The following GRIN2A variants were observed in gnomAD, a reference collection of about 807,000 sequenced individuals.
GRIN2A encodes glutamate receptor ionotropic, NMDA 2A.
GRIN2A carries 22 observed loss-of-function variants against 113.4 expected under a neutral mutation model. The ratio of observed to expected loss-of-function variants is 0.19; its 90% CI spans 0.14 to 0.28. The LOEUF is 0.28. Among genes scored for constraint, GRIN2A ranks in the 10% least tolerant of loss-of-function variants. The pLI, the probability that GRIN2A is intolerant of heterozygous loss-of-function variation, is 1.00. For synonymous variants in GRIN2A, 827 were observed against 738.4 expected (o/e 1.12, Z -1.94); for missense variants, 1,502 against 1,887.0 (o/e 0.80, Z 3.78).
intron 11 of GRIN2A, among the ~76,000 whole-genome samples, chr16:9,776,464 G>C (rs1901611336): frequency 6.6e-6 from 1 of 152,030 alleles, no homozygotes; most frequent in Non-Finnish European, 1.5e-5. Flanking sequence ...CTGTCTCCTT[G>C]ATTAGTTTGT....
chr16:9,781,977 A>T (rs1233933082), intron 11 of GRIN2A, among the ~76,000 whole-genome samples: 2 of 152,212 alleles, frequency 1.3e-5, no homozygotes, highest in African/African-American at 2.4e-5. Flanking sequence ...GTGAAAAATC[A>T]TGGACTATAA....
chr16:10,027,149 G>A (rs1426261085), intron 2 of GRIN2A, among the ~76,000 whole-genome samples: 2 of 152,172 alleles, frequency 1.3e-5, no homozygotes, highest in Non-Finnish European at 2.9e-5. Flanking sequence ...GCCCATTGAA[G>A]GCTCAAGTAG....
At chr16:10,024,840 C>A (rs1432766560) in intron 2 of GRIN2A, among the ~76,000 whole-genome samples, 1 of 152,150 alleles carries the variant, frequency 6.6e-6, no homozygotes, top group Non-Finnish European at 1.5e-5. Flanking sequence ...TGAGAGACCA[C>A]AAGTAGACAC....
At chr16:10,045,494 T>C (rs1596458721) in intron 2 of GRIN2A, among the ~76,000 whole-genome samples, 1 of 151,422 alleles carries the variant, frequency 6.6e-6, no homozygotes, top group Non-Finnish European at 1.5e-5. Flanking sequence ...GAGAGAGAGG[T>C]TCAAAGTGGG....
At chr16:9,970,579 A>G (rs1467471998) in intron 2 of GRIN2A, among the ~76,000 whole-genome samples, 1 of 152,126 alleles carries the variant, frequency 6.6e-6, no homozygotes, top group African/African-American at 2.4e-5. Context: ...GAAGTAAATT[A>G]GAGGGGAAAT....
chr16:9,823,917 A>G (rs150081736), intron 9 of GRIN2A, among the ~76,000 whole-genome samples: 10 of 152,276 alleles, frequency 6.6e-5, no homozygotes, highest in Non-Finnish European at 1.5e-4. Flanking sequence ...CCAGAAAATC[A>G]GTGTCAGAAC....
chr16:10,125,662 C>A (rs2048918411), intron 2 of GRIN2A, among the ~76,000 whole-genome samples: 2 of 15,688 alleles, frequency 1.3e-4, no homozygotes, highest in African/African-American at 1.4e-4. Flanking sequence ...TGTTCCGAGT[C>A]TCCCCTCCCT....
chr16:9,996,888 C>A (rs1283497069), intron 2 of GRIN2A, among the ~76,000 whole-genome samples: 8 of 152,282 alleles, frequency 5.3e-5, no homozygotes, highest in Middle Eastern at 6.8e-3. Context: ...TCTGATTCCT[C>A]TAACACCAGG....
chr16:10,088,239 T>C (rs956445076), intron 2 of GRIN2A, among the ~76,000 whole-genome samples: 1 of 152,156 alleles, frequency 6.6e-6, no homozygotes, highest in African/African-American at 2.4e-5. Flanking sequence ...GAAAAATTCA[T>C]CCTAAAGTCG....
At chr16:10,101,918 C>T (rs893911826) in intron 2 of GRIN2A, among the ~76,000 whole-genome samples, 4 of 152,132 alleles carry the variant, frequency 2.6e-5, no homozygotes, top group Admixed American at 6.5e-5. Flanking sequence ...TCTAGAACAT[C>T]GAGCCACTTT....
At chr16:10,040,622 G>C (rs140835995) in intron 2 of GRIN2A, among the ~76,000 whole-genome samples, 1 of 150,552 alleles carries the variant, frequency 6.6e-6, no homozygotes, top group Non-Finnish European at 1.5e-5. Flanking sequence ...TCACAACTAC[G>C]CACACATAAA....
intron 2 of GRIN2A, among the ~76,000 whole-genome samples, chr16:10,019,852 T>C (rs976079353): frequency 6.6e-6 from 1 of 152,242 alleles, no homozygotes; most frequent in African/African-American, 2.4e-5. Context: ...GAATAAGTTC[T>C]GAGGATGGTG....
chr16:10,029,927 G>C (rs1171991254), intron 2 of GRIN2A, among the ~76,000 whole-genome samples: 1 of 152,104 alleles, frequency 6.6e-6, no homozygotes, highest in African/African-American at 2.4e-5. Flanking sequence ...AACCCGGGAG[G>C]CAGAGGTTGC....
At chr16:9,948,302 A>C (rs925210413) in intron 2 of GRIN2A, among the ~76,000 whole-genome samples, 4 of 152,238 alleles carry the variant, frequency 2.6e-5, no homozygotes, top group Non-Finnish European at 5.9e-5. Flanking sequence ...GCAGTTCTCA[A>C]ACTCCAATGA....
intron 3 of GRIN2A, among the ~76,000 whole-genome samples, chr16:9,921,072 G>A (rs1049469919): frequency 9.9e-5 from 15 of 152,102 alleles, no homozygotes; most frequent in Admixed American, 9.2e-4. Flanking sequence ...CTGCATTTGA[G>A]CTTTTGACGA....
At chr16:9,821,366 C>A (rs940606424) in intron 10 of GRIN2A, among the ~76,000 whole-genome samples, 2 of 152,056 alleles carry the variant, frequency 1.3e-5, no homozygotes, top group Non-Finnish European at 1.5e-5. Context: ...GTGCTTCCTA[C>A]GAGAATGATT....
At chr16:9,796,628 G>A (rs771933065) in intron 11 of GRIN2A, among the ~76,000 whole-genome samples, 3 of 152,188 alleles carry the variant, frequency 2.0e-5, no homozygotes, top group Non-Finnish European at 4.4e-5. Flanking sequence ...GTTCCTTTCT[G>A]TGCTTCTGCC....
chr16:9,983,275 T>C (rs963240987), intron 2 of GRIN2A, among the ~76,000 whole-genome samples: 1 of 152,200 alleles, frequency 6.6e-6, no homozygotes, highest in African/African-American at 2.4e-5. Flanking sequence ...TCCTGGCCTC[T>C]AGTAACCACT....
intron 10 of GRIN2A, among the ~76,000 whole-genome samples, chr16:9,813,069 C>T (rs956761538): frequency 4.6e-5 from 7 of 152,232 alleles, no homozygotes; most frequent in African/African-American, 1.7e-4. Flanking sequence ...ACATTCTCCA[C>T]AAGCTGTCCT....
Sources: allele counts gnomAD v4.1 joint callset (sites outside exome capture counted in the v4.1 genomes callset), GRCh38; gene constraint gnomAD v4.1.1; transcripts MANE v1.5; gene names NCBI Gene and HGNC (gene_info 2026-07-23, HGNC 2026-07-21).